The following MGST1 variants were observed in gnomAD, a reference collection of about 807,000 sequenced individuals.
MGST1 encodes glutathione S-transferase 12.
In MGST1, 5 loss-of-function variants were observed where a neutral mutation model predicts 8.9. The observed-to-expected ratio is 0.56, with a 90% CI of 0.29 to 1.19. The LOEUF (loss-of-function observed/expected upper bound fraction) is 1.19. MGST1 is among the 50% of genes most tolerant of loss of function. The pLI is 0.08. For missense variants in MGST1, 182 were observed against 187.4 expected (o/e 0.97, Z 0.17); for synonymous variants, 54 against 67.8 (o/e 0.80, Z 1.00).
intron 4 of MGST1, among the ~76,000 whole-genome samples, chr12:16,523,342 A>G (rs1178393589): frequency 6.6e-6 from 1 of 152,052 alleles, no homozygotes; most frequent in Non-Finnish European, 1.5e-5. Flanking sequence ...TTTTCTCATC[A>G]GTAAAATTGG....
Position 16,513,906 on chromosome 12 carries a change from G to C in MGST1, n.483-75622G>C. 5 of 594,854 alleles carry C rather than the reference G, an allele frequency of 8.4e-6. No individual in the cohort carries two copies. Among genetic ancestry groups the C allele is most frequent in the South Asian group, 6.1e-5 (4 of 65,058 alleles). 36.8% of individuals were successfully genotyped at this position (594,854 alleles called of 1,614,324 possible). Reference sequence around the variant, plus strand: ...CCATCTTCAGGGATACTGGCATGCAGCTACAAGGTTATCGATACTATGACC... The same window carrying C: ...CCATCTTCAGGGATACTGGCATGCACCTACAAGGTTATCGATACTATGACC... On this transcript the variant is annotated intron_variant and non_coding_transcript_variant, in intron 4 of 4. Transcript: ENST00000538857. This position sits in a 1 kb window ranked among gnomAD's most constrained non-coding sequence, Gnocchi z 4.2.
chr12:16,565,921 T>C (rs1942580770), intron 4 of MGST1, among the ~76,000 whole-genome samples: 1 of 139,720 alleles, frequency 7.2e-6, no homozygotes, highest in Non-Finnish European at 1.5e-5. Flanking sequence ...CTATTTACAA[T>C]AGTCAAGCTA....
intron 4 of MGST1, among the ~76,000 whole-genome samples, chr12:16,571,616 T>C (rs953925462): frequency 6.6e-6 from 1 of 152,072 alleles, no homozygotes; most frequent in African/African-American, 2.4e-5. Context: ...TAGAAAATTA[T>C]ATGGCAACCC....
At chr12:16,478,488 C>T (rs915855498) in intron 4 of MGST1, among the ~76,000 whole-genome samples, 1 of 152,124 alleles carries the variant, frequency 6.6e-6, no homozygotes, top group Admixed American at 6.6e-5. Flanking sequence ...TTTGCACTGC[C>T]ACTTTTCCAA....
intron 4 of MGST1, among the ~76,000 whole-genome samples, chr12:16,525,367 C>T (rs11502999): frequency 0.27 from 39,488 of 147,594 alleles, 6,017 homozygotes; most frequent in Non-Finnish European, 0.35. Flanking sequence ...TTGTTCAATT[C>T]CCACCTATGA....
intron 4 of MGST1, among the ~76,000 whole-genome samples, chr12:16,488,894 A>G (rs911626834): frequency 1.3e-5 from 2 of 152,066 alleles, no homozygotes; most frequent in African/African-American, 4.8e-5. Context: ...GAGTTGTTTG[A>G]GGCCAGGAGT....
At chr12:16,366,644 CACACACACACACACACACACAT>C (rs1161605195), downstream of MGST1, among the ~76,000 whole-genome samples, 27 of 73,788 alleles carry the variant, frequency 3.7e-4, no homozygotes, top group Non-Finnish European at 5.6e-4. This position sits in a 1 kb window ranked among gnomAD's most constrained non-coding sequence, Gnocchi z 4.0. Context: ...CACACACACA[CACACACACACACACACACACAT>C]ACACACACAC....
At chr12:16,399,803 A>T in intron 1 of MGST1, 1 of 1,200,768 alleles carries the variant, frequency 8.3e-7, no homozygotes. Context: ...AAGAGAGGCT[A>T]CAAGAATGGC....
rs1565446450 is a variant in MGST1 at position 16,394,562 on chromosome 12, CTTTCT to C, written n.778+10961_778+10965del. On this transcript the variant is annotated intron_variant and non_coding_transcript_variant, in intron 1 of 1. Transcript: ENST00000359720. ...TCTTTCTTTCTTTCTTTCTTTCTTT[CTTTCT>C]TTCTTTCTTCTCTCTGTCTCTCTTT... 7.6e-4 allele frequency among the ~76,000 whole-genome samples: 49 copies of C among 64,354 alleles called. 1 individual carries two copies. The highest frequency in any genetic ancestry group is 2.5e-3 in the African/African-American group (46 of 18,390). The allele number at this position is 64,354 out of a possible 152,430, so 42.2% of individuals were successfully genotyped here.
At chr12:16,418,929 A>G (rs1940808960) in intron 1 of MGST1, among the ~76,000 whole-genome samples, 1 of 151,978 alleles carries the variant, frequency 6.6e-6, no homozygotes, top group Non-Finnish European at 1.5e-5. Context: ...GAGAACTCAT[A>G]CCCACCCCTC....
chr12:16,536,684 G>A (rs11056991), intron 4 of MGST1, among the ~76,000 whole-genome samples: 1 of 151,882 alleles, frequency 6.6e-6, no homozygotes, highest in African/African-American at 2.4e-5. Flanking sequence ...TGAAAGGCAC[G>A]TCTTACATGG....
At chr12:16,457,307 ATTTTG>A (rs1244987974) in intron 4 of MGST1, among the ~76,000 whole-genome samples, 1 of 151,940 alleles carries the variant, frequency 6.6e-6, no homozygotes, top group Non-Finnish European at 1.5e-5. Flanking sequence ...TTTACATTTG[ATTTTG>A]TTTTAAGAAA....
At chr12:16,352,045 G>A (rs1474729172) in intron 1 of MGST1, among the ~76,000 whole-genome samples, 1 of 151,546 alleles carries the variant, frequency 6.6e-6, no homozygotes, top group Admixed American at 6.5e-5. Flanking sequence ...CCTCTTGAAA[G>A]AGAGAGTATA....
chr12:16,515,632 GA>G (rs59154598), intron 4 of MGST1, among the ~76,000 whole-genome samples: 122,590 of 129,046 alleles, frequency 0.95, 58,289 homozygotes, highest in South Asian at 0.99. Context: ...CTCTATCTCA[GA>G]AAAAAAAAAA....
chr12:16,397,337 A>T (rs1406080883), intron 1 of MGST1, among the ~76,000 whole-genome samples: 2 of 152,150 alleles, frequency 1.3e-5, no homozygotes, highest in Non-Finnish European at 2.9e-5. Context: ...TGAAGATAAC[A>T]TCGGGAAAAC....
chr12:16,470,481 C>A (rs1941284030), intron 4 of MGST1, among the ~76,000 whole-genome samples: 1 of 152,156 alleles, frequency 6.6e-6, no homozygotes, highest in African/African-American at 2.4e-5. Flanking sequence ...TCAGTTTGGT[C>A]TGGATAAACA....
intron 4 of MGST1, among the ~76,000 whole-genome samples, chr12:16,507,893 T>G (rs887331750): frequency 6.6e-6 from 1 of 152,060 alleles, no homozygotes; most frequent in African/African-American, 2.4e-5. Context: ...CCAAACCATA[T>G]CAAGGAATGA....
intron 4 of MGST1, among the ~76,000 whole-genome samples, chr12:16,565,753 A>G (rs1411180716): frequency 1.3e-5 from 2 of 151,712 alleles, no homozygotes; most frequent in Non-Finnish European, 1.5e-5. Flanking sequence ...GAGATTGCAA[A>G]TGAGTACAGC....
rs564843392 is a variant in MGST1, at chr12:16,485,914, C to G, written n.482+102310C>G. Among the ~76,000 whole-genome samples the G allele has an allele frequency of 7.2e-5, 11 of 152,210 alleles. No homozygotes were observed. The South Asian group carries it at 2.1e-3, about 29-fold the overall frequency. ...AAAAAAAGAAATTACAAAGTAAAAG[C>G]AAAAATCCCCTTCTTGTTTAATTTT... On this transcript the variant is annotated intron_variant and non_coding_transcript_variant, in intron 4 of 4. Coordinates refer to the MGST1 transcript ENST00000538857.
Sources: gnomAD v4.1 joint callset for allele counts (sites outside exome capture counted in the v4.1 genomes callset) on GRCh38, gnomAD v4.1.1 for gene constraint, Gnocchi (gnomAD v3.1) non-coding constraint, MANE v1.5 for transcripts, NCBI Gene and HGNC (gene_info 2026-07-23, HGNC 2026-07-21) for gene names.